Variants in MSRA observed in about 807,000 individuals in gnomAD.
The protein encoded by MSRA is mitochondrial peptide methionine sulfoxide reductase.
In MSRA, 54 loss-of-function variants were observed where a neutral mutation model predicts 31.3. The observed-to-expected ratio is 1.73, with a 90% CI of 1.39 to 2.17. The LOEUF is 2.17. Among genes scored for constraint, MSRA ranks in the 30% most tolerant of loss-of-function variants. The pLI, the probability that MSRA is intolerant of heterozygous loss-of-function variation, is 0.00. For synonymous variants in MSRA, 169 were observed against 116.5 expected (o/e 1.45, Z -2.90); for missense variants, 507 against 300.9 (o/e 1.69, Z -5.07).
intron 1 of MSRA, among the ~76,000 whole-genome samples, chr8:10,178,001 T>C (rs986491721): frequency 2.0e-5 from 3 of 152,244 alleles, no homozygotes; most frequent in Non-Finnish European, 4.4e-5. Flanking sequence ...GTGGGGTTTA[T>C]ATCCTCCTTA....
Position 10,103,472 on chromosome 8 carries a change from C to G in MSRA, c.142+48814C>G, listed in dbSNP as rs116368413. The stretch of plus-strand genomic sequence containing the variant: ...TAATCTTGGGAAAATCTCCAAAACT[C>G]TAAAGGTTGACTTTTCCTATAAGTG... On this transcript the variant is annotated intron_variant, in intron 1 of 5. Coordinates refer to ENST00000317173, the MANE Select transcript of MSRA (RefSeq NM_012331.5). Among the ~76,000 whole-genome samples the G allele has an allele frequency of 7.3e-3, 1,111 of 152,230 alleles. 17 individuals carry two copies. Among genetic ancestry groups the G allele is most frequent in the African/African-American group, 0.024 (985 of 41,538 alleles).
At chr8:10,072,905 A>G (rs1300904730) in intron 1 of MSRA, among the ~76,000 whole-genome samples, 1 of 152,118 alleles carries the variant, frequency 6.6e-6, no homozygotes, top group Non-Finnish European at 1.5e-5. Context: ...CCACCTGTTC[A>G]TTGATAGTAT....
intron 1 of MSRA, among the ~76,000 whole-genome samples, chr8:10,126,055 G>A (rs1264498422): frequency 6.6e-6 from 1 of 152,196 alleles, no homozygotes; most frequent in Non-Finnish European, 1.5e-5. Flanking sequence ...AAGGAAAGCA[G>A]GGAAAACCGT....
chr8:10,387,395 C>A (rs981378245), intron 5 of MSRA, among the ~76,000 whole-genome samples: 11 of 152,106 alleles, frequency 7.2e-5, no homozygotes, highest in African/African-American at 2.4e-4. Flanking sequence ...AAAAGGCATA[C>A]CCATGTATTA....
chr8:10,406,280 A>C (rs2129186317), intron 5 of MSRA, among the ~76,000 whole-genome samples: 1 of 152,320 alleles, frequency 6.6e-6, no homozygotes. Context: ...GACCTTGGGC[A>C]AGTTCCTTAA....
intron 1 of MSRA, among the ~76,000 whole-genome samples, chr8:10,200,092 G>C (rs951696124): frequency 2.0e-5 from 3 of 150,102 alleles, no homozygotes; most frequent in African/African-American, 5.1e-5. Context: ...GGGTTGCCTG[G>C]GGAGGTATGG....
At chr8:10,393,814 C>G (rs2129180871) in intron 5 of MSRA, among the ~76,000 whole-genome samples, 1 of 152,352 alleles carries the variant, frequency 6.6e-6, no homozygotes, top group South Asian at 2.1e-4. Context: ...AGTTTTGTGA[C>G]TATCCCCTGT....
chr8:10,290,847 A>G (rs1240084963), intron 3 of MSRA, among the ~76,000 whole-genome samples: 25 of 152,202 alleles, frequency 1.6e-4, no homozygotes, highest in Admixed American at 1.6e-3. Context: ...GGCTGCAGGG[A>G]TACCATGGTC....
intron 1 of MSRA, among the ~76,000 whole-genome samples, chr8:10,192,547 T>A (rs1037276736): frequency 6.6e-6 from 1 of 152,220 alleles, no homozygotes; most frequent in Admixed American, 6.5e-5. Flanking sequence ...ACAAGGGAGT[T>A]CCTCCTCTCC....
intron 1 of MSRA, among the ~76,000 whole-genome samples, chr8:10,162,773 T>C (rs1024841418): frequency 2.3e-4 from 35 of 152,152 alleles, no homozygotes; most frequent in African/African-American, 8.0e-4. Flanking sequence ...ACTGAAACCA[T>C]TACCATTTGT....
chr8:10,087,341 T>A (rs1414251378), intron 1 of MSRA, among the ~76,000 whole-genome samples: 1 of 151,474 alleles, frequency 6.6e-6, no homozygotes, highest in Non-Finnish European at 1.5e-5. Flanking sequence ...GTGTTTATAA[T>A]GATTTGTTTG....
intron 3 of MSRA, among the ~76,000 whole-genome samples, chr8:10,265,674 C>T (rs1291876634): frequency 6.6e-6 from 1 of 152,190 alleles, no homozygotes; most frequent in East Asian, 1.9e-4. Flanking sequence ...TAGGTAGACA[C>T]TGTAAAGCCC....
chr8:10,128,730 G>C (rs545433809), intron 1 of MSRA, among the ~76,000 whole-genome samples: 1 of 152,172 alleles, frequency 6.6e-6, no homozygotes, highest in Non-Finnish European at 1.5e-5. Context: ...TAGAGAGCAC[G>C]GAAGAGTTGC....
At chr8:10,407,374 G>C (rs958364472) in intron 5 of MSRA, among the ~76,000 whole-genome samples, 6 of 152,208 alleles carry the variant, frequency 3.9e-5, no homozygotes, top group African/African-American at 1.2e-4. Flanking sequence ...TGTGGCAGCA[G>C]TCCAGACAAA....
At chr8:10,226,900 A>G (rs895819025) in intron 2 of MSRA, among the ~76,000 whole-genome samples, 4 of 152,110 alleles carry the variant, frequency 2.6e-5, no homozygotes, top group African/African-American at 9.7e-5. Context: ...GCTACTGGCT[A>G]TTTAATCCTT....
chr8:10,121,645 TTTTC>T (rs1407435336), intron 1 of MSRA, among the ~76,000 whole-genome samples: 1 of 152,072 alleles, frequency 6.6e-6, no homozygotes, highest in Non-Finnish European at 1.5e-5. Context: ...ACCTGCTATG[TTTTC>T]TTTCTTTCTT....
intron 3 of MSRA, among the ~76,000 whole-genome samples, chr8:10,279,391 C>G (rs1413033895): frequency 6.6e-6 from 1 of 152,158 alleles, no homozygotes; most frequent in Non-Finnish European, 1.5e-5. Context: ...AATATCAAAG[C>G]TAATTCCCTT....
At chr8:10,104,398 C>A (rs1032530538) in intron 1 of MSRA, among the ~76,000 whole-genome samples, 13 of 152,150 alleles carry the variant, frequency 8.5e-5, no homozygotes, top group African/African-American at 3.1e-4. Flanking sequence ...GATGGGGGTA[C>A]AGCTTGGTTT....
In MSRA at chr8:10,351,993, T is replaced by C. The variant is rs576927949; in HGVS notation, c.543+32004T>C. ...AGGATCGCACTGACTTAGAAAGTTATGACTTTAATGTTCCTTAGTCGAATC... is the reference window on the plus strand; with the variant it reads ...AGGATCGCACTGACTTAGAAAGTTACGACTTTAATGTTCCTTAGTCGAATC... On this transcript the variant is annotated intron_variant, in intron 5 of 5. Transcript: ENST00000317173. Among the ~76,000 whole-genome samples, 10 of 152,374 alleles carry C rather than the reference T, an allele frequency of 6.6e-5. No homozygotes were observed. In the East Asian group the frequency reaches 1.5e-3, roughly 24 times the overall value.
Sources: gnomAD v4.1 joint callset for allele counts (sites outside exome capture counted in the v4.1 genomes callset) on GRCh38, gnomAD v4.1.1 for gene constraint, MANE v1.5 for transcripts, NCBI Gene and HGNC (gene_info 2026-07-23, HGNC 2026-07-21) for gene names.